The following C1QL3 variants were observed in gnomAD, a reference collection of about 807,000 sequenced individuals.
The protein encoded by C1QL3 is complement C1q-like protein 3.
C1QL3 carries 4 observed loss-of-function variants against 16.6 expected under a neutral mutation model. The observed-to-expected ratio is 0.24, with a 90% CI of 0.12 to 0.55. The LOEUF is 0.55. C1QL3 is among the 20% of genes least tolerant of loss of function. C1QL3 has a pLI of 0.94. For missense variants in C1QL3, 269 were observed against 365.6 expected (o/e 0.74, Z 2.16); for synonymous variants, 189 against 160.2 (o/e 1.18, Z -1.36).
rs1424277260 is a variant in C1QL3 at position 16,520,040 on chromosome 10, G to C, written c.588+438C>G. On this transcript the variant is annotated intron_variant, in intron 1 of 1. Transcript: ENST00000298943. The surrounding 1 kb of genome is among the most constrained non-coding windows in gnomAD (Gnocchi z 8.3). ...CCTCCGGCCTTTGTCTACCACCCCC[G>C]AGTCGGTCACCCTGCCACGCCCATT... is the stretch of plus-strand genomic sequence containing the variant. 6.6e-6 allele frequency among the ~76,000 whole-genome samples: 1 copy of C among 151,798 alleles called. No homozygotes were observed. The highest frequency in any genetic ancestry group is 1.5e-5 in the Non-Finnish European group (1 of 67,926).
At chr10:16,519,096 G>T (rs1836995267) in intron 1 of C1QL3, among the ~76,000 whole-genome samples, 2 of 99,622 alleles carry the variant, frequency 2.0e-5, no homozygotes, top group African/African-American at 8.8e-5. Context: ...ATAGGGTAGA[G>T]AATAGGACGT....
chr10:16,516,119 G>T (rs117891569), intron 1 of C1QL3, among the ~76,000 whole-genome samples: 1 of 152,108 alleles, frequency 6.6e-6, no homozygotes, highest in African/African-American at 2.4e-5. Flanking sequence ...GTCTTTCTGG[G>T]TATCACATAG....
Position 16,521,120 on chromosome 10 carries a change from G to C in C1QL3, c.-55C>G. 1 of 1,477,272 alleles carries C rather than the reference G, an allele frequency of 6.8e-7. No individual in the cohort carries two copies. The highest frequency in any genetic ancestry group is 1.9e-5 in the Admixed American group (1 of 53,274). 91.5% of individuals were successfully genotyped at this position (1,477,272 alleles called of 1,614,324 possible). ...GGCGCCTCCTGCTGCCCACCAGCCGGCTCAGCGCGGGGCGATCCTCTTGTC... is the reference window on the plus strand; with the variant it reads ...GGCGCCTCCTGCTGCCCACCAGCCGCCTCAGCGCGGGGCGATCCTCTTGTC... On this transcript the variant is annotated 5_prime_UTR_variant, in exon 1 of 2. Coordinates refer to ENST00000298943, the MANE Select transcript of C1QL3 (RefSeq NM_001010908.2).
At chr10:16,517,124 T>A (rs1243327487) in intron 1 of C1QL3, among the ~76,000 whole-genome samples, 1 of 152,216 alleles carries the variant, frequency 6.6e-6, no homozygotes, top group Non-Finnish European at 1.5e-5. Flanking sequence ...TTCCTAAATG[T>A]ACAGTGATTT....
Position 16,520,439 on chromosome 10 carries a change from G to C in C1QL3, c.588+39C>G, listed in dbSNP as rs748885419. ...CTCCCTCTCGCCCGCACCTTCCCGC[G>C]CTCCCTCCCCGCCCTCCCCGCCGCC... On this transcript the variant is annotated intron_variant, in intron 1 of 1. Coordinates refer to ENST00000298943, the MANE Select transcript of C1QL3 (RefSeq NM_001010908.2). This position sits in a 1 kb window ranked among gnomAD's most constrained non-coding sequence, Gnocchi z 8.3. 6 of 1,322,970 alleles carry C rather than the reference G, an allele frequency of 4.5e-6. No individual in the cohort carries two copies. Among genetic ancestry groups the C allele is most frequent in the Non-Finnish European group, 6.2e-6 (6 of 968,884 alleles). 82.0% of individuals were successfully genotyped at this position (1,322,970 alleles called of 1,614,324 possible). A position where few individuals can be genotyped will look rare whatever the true frequency, so the allele number is the denominator to read the frequency against.
In C1QL3 at chr10:16,521,037, G is replaced by C. The variant is rs1318724967; in HGVS notation, c.29C>G (p.Pro10Arg). The C allele has an allele frequency of 1.2e-6, 2 of 1,600,834 alleles. No homozygotes were observed. Among genetic ancestry groups the C allele is most frequent in the Non-Finnish European group, 8.5e-7 (1 of 1,178,630 alleles). MVLLLVILI[P>R]VLVSSAGTSA... is the part of the protein sequence containing the mutation. ...CGTGCCGGCCGAGCTCACCAGCACC[G>C]GGATGAGGATCACCAGCAGCAGCAC... Residue 10 changes from proline (P) to arginine (R), a missense_variant, in exon 1 of 2, where the codon CCG (proline) becomes CGG (arginine). Pro to Arg is a moderately radical substitution (Grantham distance 103). Around this residue, in one of 2 missense-constraint regions of C1QL3, gnomAD observed 246 missense variants for 297.2 expected, o/e 0.83. Coordinates refer to ENST00000298943, the MANE Select transcript of C1QL3 (RefSeq NM_001010908.2).
In C1QL3 at chr10:16,520,873, C is replaced by T. The variant is rs1393002158; in HGVS notation, c.193G>A (p.Glu65Lys). The change falls in exon 1 of 2, where the codon GAG becomes AAG. Residue 65 changes from glutamate (E) to lysine (K), a missense_variant. Glu to Lys is a moderately conservative substitution (Grantham distance 56, BLOSUM62 1). Around this residue, in one of 2 missense-constraint regions of C1QL3, gnomAD observed 246 missense variants for 297.2 expected, o/e 0.83. Transcript: ENST00000298943. This position sits in a 1 kb window ranked among gnomAD's most constrained non-coding sequence, Gnocchi z 8.3. ...LPTFIQGPKG[E>K]AGRPGKAGPR... is the part of the protein sequence containing the mutation. ...CCCGCCTTCCCGGGCCTGCCGGCCT[C>T]GCCTTTGGGGCCCTGGATGAAGGTG... The T allele has an allele frequency of 2.0e-6, 3 of 1,478,740 alleles. No homozygotes were observed. Among genetic ancestry groups the T allele is most frequent in the Middle Eastern group, 2.4e-4 (1 of 4,198 alleles). The allele number at this position is 1,478,740 out of a possible 1,614,324, so 91.6% of individuals were successfully genotyped here.
chr10:16,518,598 C>T (rs1475114568), intron 1 of C1QL3, among the ~76,000 whole-genome samples: 1 of 152,218 alleles, frequency 6.6e-6, no homozygotes, highest in Non-Finnish European at 1.5e-5. Flanking sequence ...ACAGGCTCAG[C>T]AGTCTAGACA....
At position 16,520,445 on chromosome 10, in the gene C1QL3, T is replaced by TGCCC; in HGVS notation, c.588+32_588+33insGGGC. ...CTCGCCCGCACCTTCCCGCGCTCCC[T>TGCCC]CCCCGCCCTCCCCGCCGCCCGCCCG... On this transcript the variant is annotated intron_variant, in intron 1 of 1. Transcript: ENST00000298943. The surrounding 1 kb of genome is among the most constrained non-coding windows in gnomAD (Gnocchi z 8.3). 1.9e-6 allele frequency: 1 copy of TGCCC among 527,492 alleles called. No individual in the cohort carries two copies. The highest frequency in any genetic ancestry group is 3.2e-6 in the Non-Finnish European group (1 of 309,178). 32.7% of individuals were successfully genotyped at this position (527,492 alleles called of 1,614,324 possible).
Position 16,520,451 on chromosome 10 carries a change from C to G in C1QL3, c.588+27G>C. The G allele has an allele frequency of 7.9e-7, 1 of 1,268,030 alleles. No individual in the cohort carries two copies. The highest frequency in any genetic ancestry group is 1.1e-6 in the Non-Finnish European group (1 of 905,328). 78.5% of individuals were successfully genotyped at this position (1,268,030 alleles called of 1,614,324 possible). On this transcript the variant is annotated intron_variant, in intron 1 of 1. Coordinates refer to ENST00000298943, the MANE Select transcript of C1QL3 (RefSeq NM_001010908.2). The surrounding 1 kb of genome is among the most constrained non-coding windows in gnomAD (Gnocchi z 8.3). ...CGCACCTTCCCGCGCTCCCTCCCCGCCCTCCCCGCCGCCCGCCCGCGCTCA... is the reference window on the plus strand; with the variant it reads ...CGCACCTTCCCGCGCTCCCTCCCCGGCCTCCCCGCCGCCCGCCCGCGCTCA...
At position 16,520,967 on chromosome 10, in the gene C1QL3, G is replaced by A. The variant is rs763620914; in HGVS notation, c.99C>T (p.Asp33=). 8 of 1,586,968 alleles carry A rather than the reference G, an allele frequency of 5.0e-6. No individual in the cohort carries two copies. Among genetic ancestry groups the A allele is most frequent in the Non-Finnish European group, 6.8e-6 (8 of 1,173,830 alleles). The part of the protein sequence containing the change: ...EMLGTCRMVC[D]PYGGTKAPST... ...TGGGCGCCTTGGTGCCCCCGTAGGG[G>A]TCGCAGACCATGCGGCAGGTGCCCA... Residue 33 remains aspartate, a synonymous_variant, in exon 1 of 2, where the codon GAC becomes GAT. Transcript: ENST00000298943. The surrounding 1 kb of genome is among the most constrained non-coding windows in gnomAD (Gnocchi z 8.3).
In C1QL3 at chr10:16,520,418, C is replaced by A; in HGVS notation, c.588+60G>T. 1.5e-6 allele frequency: 2 copies of A among 1,314,986 alleles called. No homozygotes were observed. The highest frequency in any genetic ancestry group is 2.9e-5 in the South Asian group (2 of 69,008). The allele number at this position is 1,314,986 out of a possible 1,614,324, so 81.5% of individuals were successfully genotyped here. ...CACCCCCATTTCCGGGGTCTCCTCC[C>A]TCTCGCCCGCACCTTCCCGCGCTCC... On this transcript the variant is annotated intron_variant, in intron 1 of 1. Transcript: ENST00000298943. This position sits in a 1 kb window ranked among gnomAD's most constrained non-coding sequence, Gnocchi z 8.3.
At position 16,521,128 on chromosome 10, in the gene C1QL3, C is replaced by T. The variant is rs559546423; in HGVS notation, c.-63G>A. 3 of 1,431,156 alleles carry T rather than the reference C, an allele frequency of 2.1e-6. No homozygotes were observed. Among genetic ancestry groups the T allele is most frequent in the African/African-American group, 1.4e-5 (1 of 70,556 alleles). 88.7% of individuals were successfully genotyped at this position (1,431,156 alleles called of 1,614,324 possible). A position where few individuals can be genotyped will look rare whatever the true frequency, so the allele number is the denominator to read the frequency against. On this transcript the variant is annotated 5_prime_UTR_variant, in exon 1 of 2. Coordinates refer to ENST00000298943, the MANE Select transcript of C1QL3 (RefSeq NM_001010908.2). ...CTGCTGCCCACCAGCCGGCTCAGCG[C>T]GGGGCGATCCTCTTGTCTGCTTTTG...
At position 16,521,003 on chromosome 10, in the gene C1QL3, G is replaced by A. The variant is rs752924544; in HGVS notation, c.63C>T (p.His21=). ...TGCGGCAGGTGCCCAGCATCTCGTA[G>A]TGCGCCGACGTGCCGGCCGAGCTCA... ...VLVSSAGTSA[H]YEMLGTCRMV... Residue 21 remains histidine (H), a synonymous_variant, in exon 1 of 2, where the codon CAC becomes CAT. Coordinates refer to ENST00000298943, the MANE Select transcript of C1QL3 (RefSeq NM_001010908.2). 1.3e-6 allele frequency: 2 copies of A among 1,597,938 alleles called. No individual in the cohort carries two copies. The highest frequency in any genetic ancestry group is 1.1e-5 in the South Asian group (1 of 90,080).
At chr10:16,519,578 G>GT (rs1470586085) in intron 1 of C1QL3, among the ~76,000 whole-genome samples, 2 of 152,126 alleles carry the variant, frequency 1.3e-5, no homozygotes, top group Non-Finnish European at 2.9e-5. Context: ...ACAGTAAAGT[G>GT]GCCCCAGCAG....
chr10:16,520,910 C>T lies in C1QL3; in HGVS notation c.156G>A (p.Met52Ile). 1 of 1,557,668 alleles carries T rather than the reference C, an allele frequency of 6.4e-7. No individual in the cohort carries two copies. The highest frequency in any genetic ancestry group is 1.2e-5 in the South Asian group (1 of 85,790). Residue 52 changes from methionine to isoleucine, a missense_variant, in exon 1 of 2, where the codon ATG (methionine) becomes ATA (isoleucine). Transcript: ENST00000298943. The surrounding 1 kb of genome is among the most constrained non-coding windows in gnomAD (Gnocchi z 8.3). ...CCTGGATGAAGGTGGGCAGGGACTG[C>T]ATGAGGCCGCGGTCGGGCGTGGCAG... ...STAATPDRGL[M>I]QSLPTFIQGP...
chr10:16,518,470 T>TGA (rs1309348528), intron 1 of C1QL3, among the ~76,000 whole-genome samples: 1 of 152,220 alleles, frequency 6.6e-6, no homozygotes, highest in Non-Finnish European at 1.5e-5. Flanking sequence ...TCATGGAATG[T>TGA]GTGTGCTAGT....
Position 16,514,601 on chromosome 10 carries a change from T to G in C1QL3, c.695A>C (p.Asp232Ala). The G allele has an allele frequency of 6.2e-7, 1 of 1,613,920 alleles. No individual in the cohort carries two copies. Residue 232 changes from aspartate to alanine, a missense_variant, in exon 2 of 2, where the codon GAT becomes GCT. Physicochemically the swap from Asp to Ala is moderately radical, Grantham distance 126. Transcript: ENST00000298943. ...GTTTCCTCCATGGGCTTTCCCGCCA[T>G]CTAATTTGATATAGACTTCATCTCC... is the stretch of plus-strand genomic sequence containing the variant. ...EPGDEVYIKL[D>A]GGKAHGGNNN...
At position 16,520,442 on chromosome 10, in the gene C1QL3, C is replaced by CCCAA; in HGVS notation, c.588+35_588+36insTTGG. 1 of 1,117,660 alleles carries CCCAA rather than the reference C, an allele frequency of 8.9e-7. No homozygotes were observed. Among genetic ancestry groups the CCCAA allele is most frequent in the Non-Finnish European group, 1.3e-6 (1 of 781,588 alleles). The allele number at this position is 1,117,660 out of a possible 1,614,324, so 69.2% of individuals were successfully genotyped here. A position where few individuals can be genotyped will look rare whatever the true frequency, so the allele number is the denominator to read the frequency against. On this transcript the variant is annotated intron_variant, in intron 1 of 1. Transcript: ENST00000298943. This position sits in a 1 kb window ranked among gnomAD's most constrained non-coding sequence, Gnocchi z 8.3. ...CCTCTCGCCCGCACCTTCCCGCGCTCCCTCCCCGCCCTCCCCGCCGCCCGC... is the reference window on the plus strand; with the variant it reads ...CCTCTCGCCCGCACCTTCCCGCGCTCCCAACCTCCCCGCCCTCCCCGCCGCCCGC...
Sources: allele counts gnomAD v4.1 joint callset (sites outside exome capture counted in the v4.1 genomes callset), GRCh38; gene constraint gnomAD v4.1.1; regional missense constraint gnomAD v4.1.1; non-coding constraint Gnocchi (gnomAD v3.1); transcripts MANE v1.5; gene names NCBI Gene and HGNC (gene_info 2026-07-23, HGNC 2026-07-21).